The following PBX1 variants were observed in gnomAD, a reference collection of about 807,000 sequenced individuals.
PBX1 encodes the protein PBX homeobox 1, also known as pre-B-cell leukemia transcription factor 1.
In PBX1, 6 loss-of-function variants were observed where a neutral mutation model predicts 53.4. The observed-to-expected ratio is 0.11, with a 90% CI of 0.06 to 0.22. The LOEUF (loss-of-function observed/expected upper bound fraction) is 0.22. Among genes scored for constraint, PBX1 ranks in the 10% least tolerant of loss-of-function variants. The probability of loss-of-function intolerance (pLI) is 1.00; values close to 1 mark genes in which losing one functional copy is unlikely to be tolerated. For synonymous variants in PBX1, 204 were observed against 212.3 expected, an observed-to-expected ratio of 0.96 and a Z score of 0.34; for missense variants, 251 against 551.4, an observed-to-expected ratio of 0.46 and a Z score of 5.46.
intron 2 of PBX1, among the ~76,000 whole-genome samples, chr1:164,618,690 A>G (rs534011564): frequency 5.9e-5 from 9 of 152,336 alleles, no homozygotes; most frequent in African/African-American, 2.2e-4. Context: ...AGAATTCATT[A>G]TAACGAAATA....
At chr1:164,595,106 G>A (rs1055015467) in intron 2 of PBX1, among the ~76,000 whole-genome samples, 1 of 152,190 alleles carries the variant, frequency 6.6e-6, no homozygotes, top group Non-Finnish European at 1.5e-5. Flanking sequence ...ACAGTACCAC[G>A]TCTGAACCTA....
chr1:164,846,904 C>T lies in PBX1; in HGVS notation c.*228C>T. ...CTGGGTAGAAGCCACCCTTCCCTGCCTCCAGCTGTCAGCCTGGTTTTCGTC... is the reference window on the plus strand; with the variant it reads ...CTGGGTAGAAGCCACCCTTCCCTGCTTCCAGCTGTCAGCCTGGTTTTCGTC... On this transcript the variant is annotated 3_prime_UTR_variant, in exon 9 of 9. Transcript: ENST00000420696. The T allele has an allele frequency of 7.3e-7, 1 of 1,375,084 alleles. No individual in the cohort carries two copies. Among genetic ancestry groups the T allele is most frequent in the African/African-American group, 1.4e-5 (1 of 69,186 alleles). 85.2% of individuals were successfully genotyped at this position (1,375,084 alleles called of 1,614,324 possible).
intron 8 of PBX1, among the ~76,000 whole-genome samples, chr1:164,823,471 G>A (rs1670265577): frequency 6.6e-6 from 1 of 152,118 alleles, no homozygotes; most frequent in African/African-American, 2.4e-5. Flanking sequence ...AGAGTGTAGG[G>A]ACAAGAACCT....
At chr1:164,739,105 GCGAA>G (rs1665453405) in intron 2 of PBX1, among the ~76,000 whole-genome samples, 2 of 152,130 alleles carry the variant, frequency 1.3e-5, no homozygotes, top group African/African-American at 4.8e-5. Flanking sequence ...TCTTGAGTAA[GCGAA>G]CCTAGTTTCC....
chr1:164,739,752 CATGTGT>C (rs1436157195), intron 2 of PBX1, among the ~76,000 whole-genome samples: 1 of 114,576 alleles, frequency 8.7e-6, no homozygotes, highest in East Asian at 2.9e-4. Flanking sequence ...AGTGGTTGTG[CATGTGT>C]GTGTGTGTGT....
At chr1:164,638,869 C>T (rs1225394237) in intron 2 of PBX1, among the ~76,000 whole-genome samples, 2 of 152,142 alleles carry the variant, frequency 1.3e-5, no homozygotes, top group Admixed American at 1.3e-4. Flanking sequence ...ACATTGGAAG[C>T]GTTTGGAACG....
At position 164,807,694 on chromosome 1, in the gene PBX1, A is replaced by C. The variant is rs1446948652; in HGVS notation, c.837+17A>C. 1 of 1,613,688 alleles carries C rather than the reference A, an allele frequency of 6.2e-7. No homozygotes were observed. Among genetic ancestry groups the C allele is most frequent in the Non-Finnish European group, 8.5e-7 (1 of 1,179,848 alleles). ...GTCTCCCAGGTAAGCAGCACCTCAAAAGCCTCAGCCTGTAGCCTGGCCATG... is the reference window on the plus strand; with the variant it reads ...GTCTCCCAGGTAAGCAGCACCTCAACAGCCTCAGCCTGTAGCCTGGCCATG... On this transcript the variant is annotated intron_variant, in intron 5 of 8. Transcript: ENST00000420696.
At chr1:164,698,568 G>A (rs1780348) in intron 2 of PBX1, among the ~76,000 whole-genome samples, 1 of 151,748 alleles carries the variant, frequency 6.6e-6, no homozygotes, top group Admixed American at 6.6e-5. Context: ...CCAGCCTCCC[G>A]CATCTGAAGT....
chr1:164,572,216 A>G (rs964554222), intron 2 of PBX1, among the ~76,000 whole-genome samples: 1 of 151,868 alleles, frequency 6.6e-6, no homozygotes, highest in African/African-American at 2.4e-5. Context: ...CTGAGCTACC[A>G]CGCCCAGCCT....
In PBX1 at chr1:164,846,652, T is replaced by C; in HGVS notation, c.1269T>C (p.Ser423=). ...CCTCCCCTACAGAAGGCCCTGGCAG[T>C]GTTCACTCTGATACCTCCAACTGAT... is the stretch of plus-strand genomic sequence containing the variant. ...SVTSPTEGPG[S]VHSDTSN The change falls in exon 9 of 9, where the codon AGT becomes AGC. Residue 423 remains serine (S), a synonymous_variant. Transcript: ENST00000420696. 1 of 1,614,096 alleles carries C rather than the reference T, an allele frequency of 6.2e-7. No individual in the cohort carries two copies. Among genetic ancestry groups the C allele is most frequent in the South Asian group, 1.1e-5 (1 of 91,082 alleles).
At chr1:164,701,201 A>T (rs915740463) in intron 2 of PBX1, among the ~76,000 whole-genome samples, 1 of 152,174 alleles carries the variant, frequency 6.6e-6, no homozygotes, top group Non-Finnish European at 1.5e-5. Flanking sequence ...AGTTCAGGGG[A>T]AAGTTAGAAT....
intron 2 of PBX1, among the ~76,000 whole-genome samples, chr1:164,692,437 T>C (rs1223347358): frequency 6.6e-6 from 1 of 152,166 alleles, no homozygotes; most frequent in Non-Finnish European, 1.5e-5. Flanking sequence ...TATGATATAA[T>C]GAGGCAGGTT....
Position 164,602,519 on chromosome 1 carries a change from A to G in PBX1, c.265+39208A>G, listed in dbSNP as rs556167202. Among the ~76,000 whole-genome samples the G allele has an allele frequency of 2.0e-5, 3 of 152,178 alleles. No homozygotes were observed. In the East Asian group the frequency reaches 5.8e-4, roughly 29 times the overall value. On this transcript the variant is annotated intron_variant, in intron 2 of 8. Coordinates refer to ENST00000420696, the MANE Select transcript of PBX1 (RefSeq NM_002585.4). ...GGGAAGAGTTCCTGCCTTTAGCTAT[A>G]CATGTTTCCACCCACTTAGACATGC...
chr1:164,721,632 G>GA (rs2102107238), intron 2 of PBX1, among the ~76,000 whole-genome samples: 1 of 152,262 alleles, frequency 6.6e-6, no homozygotes, highest in Non-Finnish European at 1.5e-5. Flanking sequence ...TCATTGGTGT[G>GA]AAAAATCGAG....
At chr1:164,843,404 G>T (rs148067604) in intron 8 of PBX1, among the ~76,000 whole-genome samples, 7 of 152,254 alleles carry the variant, frequency 4.6e-5, no homozygotes, top group Non-Finnish European at 7.3e-5. Flanking sequence ...GTGGCCAAAA[G>T]TCTCATTTTG....
intron 1 of PBX1, among the ~76,000 whole-genome samples, chr1:164,560,724 T>C (rs765357034): frequency 2.0e-5 from 3 of 152,228 alleles, no homozygotes; most frequent in Non-Finnish European, 4.4e-5. Flanking sequence ...CTCAGATTTT[T>C]AGTTTAACTT....
chr1:164,715,127 C>T (rs893946449), intron 2 of PBX1, among the ~76,000 whole-genome samples: 2 of 151,982 alleles, frequency 1.3e-5, no homozygotes, highest in Non-Finnish European at 2.9e-5. Flanking sequence ...AATAAATGTT[C>T]ACTATTGAAT....
chr1:164,765,363 A>G (rs1667010274), intron 2 of PBX1, among the ~76,000 whole-genome samples: 1 of 152,246 alleles, frequency 6.6e-6, no homozygotes, highest in African/African-American at 2.4e-5. Flanking sequence ...TGATTGAAGA[A>G]CACAGAATAA....
chr1:164,608,176 A>G (rs1209022764), intron 2 of PBX1, among the ~76,000 whole-genome samples: 1 of 152,236 alleles, frequency 6.6e-6, no homozygotes, highest in Non-Finnish European at 1.5e-5. Context: ...TGCATTAGGC[A>G]CTTATTCATT....
Sources: allele counts gnomAD v4.1 joint callset (sites outside exome capture counted in the v4.1 genomes callset), GRCh38; gene constraint gnomAD v4.1.1; transcripts MANE v1.5; gene names NCBI Gene and HGNC (gene_info 2026-07-23, HGNC 2026-07-21).